ADAM33: variants seen among roughly 807,000 people sequenced by gnomAD.
ADAM33 encodes the protein ADAM metallopeptidase domain 33.
Under a neutral mutation model 106.2 loss-of-function variants are expected in ADAM33, and 103 were observed. That is an observed-to-expected ratio of 0.97 (90% confidence interval 0.83 to 1.14). The LOEUF (loss-of-function observed/expected upper bound fraction) is 1.14, where lower values mean the gene tolerates loss of function less well. Ranked by LOEUF, ADAM33 falls within the 50% of genes most tolerant of loss-of-function variation. ADAM33 has a pLI of 0.00. For synonymous variants in ADAM33, 483 were observed against 453.0 expected, an observed-to-expected ratio of 1.07 and a Z score of -0.84; for missense variants, 1,120 against 1,096.6, an observed-to-expected ratio of 1.02 and a Z score of -0.30.
intron 11 of ADAM33, 90 bp downstream of exon 11, chr20:3,673,264 G>A: frequency 6.5e-7 from 1 of 1,534,176 alleles, no homozygotes; most frequent in Non-Finnish European, 8.7e-7. Context: ...TTTTACAGAA[G>A]AGGAAACTGA....
chr20:3,671,806 C>T (rs1170730692), intron 15 of ADAM33, 27 bp from the exon 16 acceptor site: 4 of 1,552,704 alleles, frequency 2.6e-6, no homozygotes, highest in Non-Finnish European at 3.5e-6. Context: ...GGGGGGTCAA[C>T]AGCTGCAGTA....
chr20:3,681,862 C>T (rs772099817), intron 1 of ADAM33, 46 bp downstream of exon 1: 6 of 1,582,472 alleles, frequency 3.8e-6, no homozygotes, highest in Non-Finnish European at 5.1e-6. Context: ...GCCACCACCA[C>T]CGCGCCTAGC....
intron 2 of ADAM33, 76 bp downstream of exon 2, chr20:3,679,416 A>G (rs2088270894): frequency 2.1e-6 from 3 of 1,462,736 alleles, no homozygotes; most frequent in Non-Finnish European, 2.8e-6. Flanking sequence ...CAAAACTAGA[A>G]GCTGTAATGT....
Position 3,673,861 on chromosome 20 carries a change from C to G in ADAM33, c.789G>C (p.Trp263Cys), listed in dbSNP as rs1305063665. 2 of 1,569,718 alleles carry G rather than the reference C, an allele frequency of 1.3e-6. No individual in the cohort carries two copies. The highest frequency in any genetic ancestry group is 1.8e-5 in the Admixed American group (1 of 54,728). The change falls in exon 9 of 22, where the codon TGG (tryptophan) becomes TGC (cysteine). Residue 263 changes from tryptophan (W) to cysteine (C), a missense_variant. Physicochemically the swap from Trp to Cys is radical, Grantham distance 215 (BLOSUM62 -2). Coordinates refer to ENST00000356518, the MANE Select transcript of ADAM33 (RefSeq NM_025220.5). The stretch of plus-strand genomic sequence containing the variant: ...TGACGCGGCTGCGGTCCCGCTCGGT[C>G]CACACCTCCAGGCCGGTCAGCGCCA... ...IQVALTGLEV[W>C]TERDRSRVTQ... is the part of the protein sequence containing the mutation.
Position 3,668,888 on chromosome 20 carries a change from C to T in ADAM33, c.*75G>A, listed in dbSNP as rs2087347021. 2 of 1,535,776 alleles carry T rather than the reference C, an allele frequency of 1.3e-6. No individual in the cohort carries two copies. Among genetic ancestry groups the T allele is most frequent in the African/African-American group, 2.7e-5 (2 of 73,176 alleles). On this transcript the variant is annotated 3_prime_UTR_variant, in exon 22 of 22. Coordinates refer to ENST00000356518, the MANE Select transcript of ADAM33 (RefSeq NM_025220.5). Reference sequence around the variant, plus strand: ...AGGTCCGGTGATTCACTGGCTCTGCCCCTGCAGTTCAAGTTCCTGGAGTGG... The same window carrying T: ...AGGTCCGGTGATTCACTGGCTCTGCTCCTGCAGTTCAAGTTCCTGGAGTGG...
chr20:3,673,679 G>T, intron 9 of ADAM33, 21 bp from the exon 10 acceptor site: 2 of 1,349,824 alleles, frequency 1.5e-6, no homozygotes, highest in South Asian at 3.7e-5. Context: ...AGCGCGGCGT[G>T]ACCAGGCGGG....
chr20:3,680,756 C>G (rs1343552777), intron 1 of ADAM33, among the ~76,000 whole-genome samples: 1 of 152,186 alleles, frequency 6.6e-6, no homozygotes, highest in African/African-American at 2.4e-5. Flanking sequence ...AGGGTGGGCC[C>G]GGGCACAGGT....
rs767390232 is a variant in ADAM33, at chr20:3,675,145, C to T, written c.255-40G>A. 2.0e-6 allele frequency: 3 copies of T among 1,480,388 alleles called. No individual in the cohort carries two copies. The highest frequency in any genetic ancestry group is 2.8e-6 in the Non-Finnish European group (3 of 1,067,724). 91.7% of individuals were successfully genotyped at this position (1,480,388 alleles called of 1,614,324 possible). A position where few individuals can be genotyped will look rare whatever the true frequency, so the allele number is the denominator to read the frequency against. ...TACAGGGAACACTGAATTCAGCTTC[C>T]TCCTGCCTCCTCCAGGATGTCTCCC... On this transcript the variant is annotated intron_variant, in intron 3 of 21. Transcript: ENST00000356518. The surrounding 1 kb of genome is among the most constrained non-coding windows in gnomAD (Gnocchi z 4.1).
rs370779804 is a variant in ADAM33 at position 3,670,992 on chromosome 20, C to T, written c.2240+14G>A. The T allele has an allele frequency of 9.0e-5, 138 of 1,536,050 alleles. No individual in the cohort carries two copies. The highest frequency in any genetic ancestry group is 1.9e-4 in the South Asian group (16 of 82,788). ...CGCAGGAGTAGGCTCAGGAAGCAGG[C>T]GCTCGGAGCCTACCCACTGCACGCA... On this transcript the variant is annotated intron_variant, in intron 19 of 21. Transcript: ENST00000356518.
Position 3,674,253 on chromosome 20 carries a change from T to C in ADAM33, c.632A>G (p.Tyr211Cys). ...GRREARRTRK[Y>C]LELYIVADHT... ...GTCTGCCACAATGTACAGTTCCAGG[T>C]ACTTCCGGGTCCTGCGCGCTTCTCG... Residue 211 changes from tyrosine to cysteine, a missense_variant, in exon 7 of 22, where the codon TAC becomes TGC. Coordinates refer to ENST00000356518, the MANE Select transcript of ADAM33 (RefSeq NM_025220.5). The C allele has an allele frequency of 6.2e-7, 1 of 1,613,986 alleles. No individual in the cohort carries two copies. Among genetic ancestry groups the C allele is most frequent in the Non-Finnish European group, 8.5e-7 (1 of 1,179,982 alleles).
In ADAM33 at chr20:3,679,302, C is replaced by G. The variant is rs538895363; in HGVS notation, c.177+190G>C. Among the ~76,000 whole-genome samples the G allele has an allele frequency of 9.9e-5, 15 of 151,790 alleles. No individual in the cohort carries two copies. In the East Asian group the frequency reaches 2.5e-3, roughly 26 times the overall value. On this transcript the variant is annotated intron_variant, in intron 2 of 21. Transcript: ENST00000356518. Reference sequence around the variant, plus strand: ...AATGACTTCCATGTGTGCGGGCTCACGAGATCCAGATGTCCAAACCCCAGT... The same window carrying G: ...AATGACTTCCATGTGTGCGGGCTCAGGAGATCCAGATGTCCAAACCCCAGT...
chr20:3,668,278 C>G lies in ADAM33; in HGVS notation c.*685G>C, dbSNP rs1555832188. 6.5e-6 allele frequency: 1 copy of G among 152,834 alleles called. No homozygotes were observed. Among genetic ancestry groups the G allele is most frequent in the Non-Finnish European group, 1.5e-5 (1 of 68,526 alleles). 9.5% of individuals were successfully genotyped at this position (152,834 alleles called of 1,614,324 possible). A position where few individuals can be genotyped will look rare whatever the true frequency, so the allele number is the denominator to read the frequency against. ...TAGGCATGAGCCACCACGCCTATAG[C>G]CAACATGTCTTTCTTTTGACTTCTA... is the stretch of plus-strand genomic sequence containing the variant. On this transcript the variant is annotated 3_prime_UTR_variant, in exon 22 of 22. Transcript: ENST00000356518.
Position 3,672,721 on chromosome 20 carries a change from C to A in ADAM33, c.1311G>T (p.Gln437His). Residue 437 changes from glutamine to histidine, a missense_variant and splice_region_variant, in exon 12 of 22, where the codon CAG (glutamine) becomes CAT (histidine). Gln to His is a conservative substitution (Grantham distance 24). Coordinates refer to ENST00000356518, the MANE Select transcript of ADAM33 (RefSeq NM_025220.5). The part of the protein sequence containing the change: ...AGEECDCGPG[Q>H]ECRDLCCFAH... ...TGGGGGCCGGGCGAGCCGACTTAAC[C>A]TGGCCAGGGCCGCAGTCACACTCCT... The A allele has an allele frequency of 1.9e-6, 3 of 1,578,196 alleles. No homozygotes were observed. The highest frequency in any genetic ancestry group is 1.1e-5 in the South Asian group (1 of 87,188).
chr20:3,679,501 C>T lies in ADAM33; in HGVS notation c.168G>A (p.Leu56=), dbSNP rs1222655688. 1 of 1,608,426 alleles carries T rather than the reference C, an allele frequency of 6.2e-7. No homozygotes were observed. Among genetic ancestry groups the T allele is most frequent in the Non-Finnish European group, 8.5e-7 (1 of 1,177,554 alleles). Residue 56 remains leucine, a synonymous_variant, in exon 2 of 22, where the codon CTG becomes CTA. Transcript: ENST00000356518. Reference sequence around the variant, plus strand: ...GAGACATGGCACTGACCGGCTCCTCCAGGCTGACGGTGCGCCAGGGTTGTC... The same window carrying T: ...GAGACATGGCACTGACCGGCTCCTCTAGGCTGACGGTGCGCCAGGGTTGTC... ...LDGQPWRTVS[L]EEPVSKPDMG... is the part of the protein sequence containing the mutation.
Position 3,681,911 on chromosome 20 carries a change from G to A in ADAM33, c.94C>T (p.Gln32Ter). The A allele has an allele frequency of 6.3e-7, 1 of 1,592,798 alleles. No homozygotes were observed. The highest frequency in any genetic ancestry group is 8.5e-7 in the Non-Finnish European group (1 of 1,170,942). Residue 32 changes from glutamine to a stop codon, truncating the protein, a stop_gained, in exon 1 of 22, where the codon CAA (glutamine) becomes TAA (stop). Coordinates refer to ENST00000356518, the MANE Select transcript of ADAM33 (RefSeq NM_025220.5). LOFTEE classifies it high-confidence loss of function. ...LWPVPGAGVL[Q>*]GHIPGQPVTP... Reference sequence around the variant, plus strand: ...CGCACCCCGCCCGCGTCCTCACCTTGAAGCACCCCGGCGCCTGGCACTGGC... The same window carrying A: ...CGCACCCCGCCCGCGTCCTCACCTTAAAGCACCCCGGCGCCTGGCACTGGC...
intron 1 of ADAM33, 108 bp from the exon 2 acceptor site, chr20:3,679,679 C>CT: frequency 1.0e-6 from 1 of 968,490 alleles, no homozygotes; most frequent in Non-Finnish European, 1.6e-6. Context: ...CACTGGAGGC[C>CT]TTTTGGGGCA....
intron 1 of ADAM33, among the ~76,000 whole-genome samples, chr20:3,681,628 C>G (rs2146495261): frequency 8.1e-6 from 1 of 123,526 alleles, no homozygotes; most frequent in Non-Finnish European, 1.8e-5. Context: ...TGGGCTGCCC[C>G]CGAGGGGGAG....
intron 19 of ADAM33, chr20:3,670,772 G>A (rs2087479994): frequency 3.5e-6 from 2 of 566,424 alleles, no homozygotes; most frequent in East Asian, 2.9e-5. Flanking sequence ...GCTGTACTGG[G>A]AGGTAGAGGG....
chr20:3,673,075 G>A (rs1047778168), intron 11 of ADAM33, 177 bp from the exon 12 acceptor site: 4 of 1,445,346 alleles, frequency 2.8e-6, no homozygotes, highest in Non-Finnish European at 3.6e-6. Context: ...CCCCAATAGT[G>A]AGCAGCCCGG....
Sources: gnomAD v4.1 joint callset for allele counts (sites outside exome capture counted in the v4.1 genomes callset) on GRCh38, gnomAD v4.1.1 for gene constraint, Gnocchi (gnomAD v3.1) non-coding constraint, MANE v1.5 for transcripts, NCBI Gene and HGNC (gene_info 2026-07-23, HGNC 2026-07-21) for gene names.